TBC1D24: variants seen among roughly 807,000 people sequenced by gnomAD.
The protein encoded by TBC1D24 is TBC1 domain family member 24, also known as Infantile myoclonic epilepsy.
A neutral mutation model predicts 50.7 loss-of-function variants in TBC1D24; 47 were observed. That is an observed-to-expected ratio of 0.93 (90% CI 0.73 to 1.18). The LOEUF (loss-of-function observed/expected upper bound fraction) is 1.18, where lower values mean the gene tolerates loss of function less well. Ranked by LOEUF, TBC1D24 falls within the 50% of genes most tolerant of loss-of-function variation. The probability of loss-of-function intolerance (pLI) is 0.00; values close to 1 mark genes in which losing one functional copy is unlikely to be tolerated. For missense variants in TBC1D24, 688 were observed against 766.5 expected (o/e 0.90, Z 1.21); for synonymous variants, 324 against 335.2 (o/e 0.97, Z 0.36).
intron 1 of TBC1D24, chr16:2,481,916 T>C (rs1340460446): frequency 3.3e-5 from 5 of 152,310 alleles, no homozygotes; most frequent in Non-Finnish European, 5.9e-5. Flanking sequence ...GTACCTGGCA[T>C]GTGCCCTCCA....
rs1438815271 is a variant in TBC1D24 at position 2,504,897 on chromosome 16, G to A, written c.*3939G>A. On this transcript the variant is annotated 3_prime_UTR_variant, in exon 8 of 8. Coordinates refer to ENST00000646147, the MANE Select transcript of TBC1D24 (RefSeq NM_001199107.2). ...CCTGCCTCAAATTTGGGTTCATATA[G>A]ATTTTTTTCCTCCCTTTTTGTGGAG... The A allele has an allele frequency of 6.6e-6, 1 of 152,180 alleles. No individual in the cohort carries two copies. The highest frequency in any genetic ancestry group is 2.4e-5 in the African/African-American group (1 of 41,428). The allele number at this position is 152,180 out of a possible 1,614,324, so 9.4% of individuals were successfully genotyped here. A position where few individuals can be genotyped will look rare whatever the true frequency, so the allele number is the denominator to read the frequency against.
rs1339728612 is a variant in TBC1D24, at chr16:2,487,142, C to T, written c.-115-8892C>T. Among the ~76,000 whole-genome samples, 1 of 152,250 alleles carries T rather than the reference C, an allele frequency of 6.6e-6. No homozygotes were observed. Among genetic ancestry groups the T allele is most frequent in the African/African-American group, 2.4e-5 (1 of 41,468 alleles). On this transcript the variant is annotated intron_variant, in intron 1 of 7. Coordinates refer to ENST00000646147, the MANE Select transcript of TBC1D24 (RefSeq NM_001199107.2). The surrounding 1 kb of genome is among the most constrained non-coding windows in gnomAD (Gnocchi z 4.1). ...AGCTCGCCTTCGCCCACTCTTGCCT[C>T]CACATCTGAGGGGCACCGTCCCCAC...
In TBC1D24 at chr16:2,483,596, G is replaced by T. The variant is rs190657430; in HGVS notation, c.-116+8426G>T. 41 of 152,544 alleles carry T rather than the reference G, an allele frequency of 2.7e-4. No homozygotes were observed. The highest frequency in any genetic ancestry group is 8.9e-4 in the African/African-American group (37 of 41,536). The allele number at this position is 152,544 out of a possible 1,614,324, so 9.4% of individuals were successfully genotyped here. On this transcript the variant is annotated intron_variant, in intron 1 of 7. Transcript: ENST00000646147. The surrounding 1 kb of genome is among the most constrained non-coding windows in gnomAD (Gnocchi z 4.0). ...GGAATGCCCGGGGACTGGATAAAAA[G>T]GTAGAGATGTAAAGGCTTTTAAAGT... is the stretch of plus-strand genomic sequence containing the variant.
In TBC1D24 at chr16:2,482,451, G is replaced by A. The variant is rs113617462; in HGVS notation, c.-116+7281G>A. ...TTGGACTGAGCAGAAAGCGAAAGGG[G>A]ACAGGTGTCTCCTGCCACTCTGAAC... is the stretch of plus-strand genomic sequence containing the variant. On this transcript the variant is annotated intron_variant, in intron 1 of 7. Transcript: ENST00000646147. The surrounding 1 kb of genome is among the most constrained non-coding windows in gnomAD (Gnocchi z 5.2). Among the ~76,000 whole-genome samples, 4 of 152,320 alleles carry A rather than the reference G, an allele frequency of 2.6e-5. 1 individual carries two copies. Among genetic ancestry groups the A allele is most frequent in the African/African-American group, 9.6e-5 (4 of 41,568 alleles).
rs764027005 is a variant in TBC1D24 at position 2,501,387 on chromosome 16, A to C, written c.*429A>C. The C allele has an allele frequency of 9.0e-6, 2 of 222,758 alleles. No individual in the cohort carries two copies. The highest frequency in any genetic ancestry group is 1.8e-5 in the Non-Finnish European group (2 of 108,980). 13.8% of individuals were successfully genotyped at this position (222,758 alleles called of 1,614,324 possible). The stretch of plus-strand genomic sequence containing the variant: ...CTGTGGTGCCCCCTGCTGGTGCCGC[A>C]TAGCATCGCGCCCTCCTGAGCAGGG... On this transcript the variant is annotated 3_prime_UTR_variant, in exon 8 of 8. Transcript: ENST00000646147.
chr16:2,490,046 C>A (rs1418188462), intron 1 of TBC1D24, among the ~76,000 whole-genome samples: 1 of 152,202 alleles, frequency 6.6e-6, no homozygotes, highest in Non-Finnish European at 1.5e-5. Flanking sequence ...TCATCCTCAG[C>A]AATCCCGGCT....
At position 2,475,231 on chromosome 16, in the gene TBC1D24, C is replaced by T. The variant is rs1194675063; in HGVS notation, c.-116+61C>T. ...GGGGTGGCGGGTGGCGGGGCCGGGT[C>T]CCCGCTGTCACCGCGGTCGGCGCGT... On this transcript the variant is annotated intron_variant, in intron 1 of 7. Coordinates refer to ENST00000646147, the MANE Select transcript of TBC1D24 (RefSeq NM_001199107.2). The surrounding 1 kb of genome is among the most constrained non-coding windows in gnomAD (Gnocchi z 4.2). The T allele has an allele frequency of 1.3e-5, 2 of 149,368 alleles. No homozygotes were observed. The highest frequency in any genetic ancestry group is 3.0e-5 in the Non-Finnish European group (2 of 66,716). 9.3% of individuals were successfully genotyped at this position (149,368 alleles called of 1,614,324 possible).
At position 2,500,046 on chromosome 16, in the gene TBC1D24, G is replaced by A; in HGVS notation, c.1302+116G>A. 1 of 1,044,426 alleles carries A rather than the reference G, an allele frequency of 9.6e-7. No individual in the cohort carries two copies. The highest frequency in any genetic ancestry group is 1.5e-6 in the Non-Finnish European group (1 of 665,808). The allele number at this position is 1,044,426 out of a possible 1,614,324, so 64.7% of individuals were successfully genotyped here. The stretch of plus-strand genomic sequence containing the variant: ...GTGTCGCCATGGCAGTCACCCAGCA[G>A]CGTCATCGCCCTGTGTGCTTCCGGG... On this transcript the variant is annotated intron_variant, in intron 6 of 7. Coordinates refer to ENST00000646147, the MANE Select transcript of TBC1D24 (RefSeq NM_001199107.2). The surrounding 1 kb of genome is among the most constrained non-coding windows in gnomAD (Gnocchi z 8.0).
At chr16:2,493,314 T>A (rs887420745) in intron 1 of TBC1D24, among the ~76,000 whole-genome samples, 1 of 151,870 alleles carries the variant, frequency 6.6e-6, no homozygotes, top group African/African-American at 2.4e-5. Context: ...AGTTTTTTTG[T>A]ATTTTTAGTA....
rs777540970 is a variant in TBC1D24, at chr16:2,500,968, C to G, written c.*10C>G. The G allele has an allele frequency of 5.0e-6, 8 of 1,608,644 alleles. No individual in the cohort carries two copies. The South Asian group carries it at 8.8e-5, about 18-fold the overall frequency. On this transcript the variant is annotated 3_prime_UTR_variant, in exon 8 of 8. Transcript: ENST00000646147. The surrounding 1 kb of genome is among the most constrained non-coding windows in gnomAD (Gnocchi z 8.0). ...CCCTGACACCCAGTGACGGCCTGTG[C>G]CACGGTGACTGAGCCGTGGTGGGGC...
Position 2,497,821 on chromosome 16 carries a change from C to G in TBC1D24, c.983+94C>G, listed in dbSNP as rs763339936. 1.4e-5 allele frequency: 18 copies of G among 1,299,758 alleles called. No individual in the cohort carries two copies. The African/African-American group carries it at 2.5e-4, about 18-fold the overall frequency. 80.5% of individuals were successfully genotyped at this position (1,299,758 alleles called of 1,614,324 possible). A position where few individuals can be genotyped will look rare whatever the true frequency, so the allele number is the denominator to read the frequency against. On this transcript the variant is annotated intron_variant, in intron 3 of 7. Coordinates refer to ENST00000646147, the MANE Select transcript of TBC1D24 (RefSeq NM_001199107.2). Reference sequence around the variant, plus strand: ...TTGCTCTGGGTCTCAGGGCTGCTCTCGTGGGCCAGCTTCAGCAGCGCTGCC... The same window carrying G: ...TTGCTCTGGGTCTCAGGGCTGCTCTGGTGGGCCAGCTTCAGCAGCGCTGCC...
At position 2,482,605 on chromosome 16, in the gene TBC1D24, G is replaced by A. The variant is rs528409538; in HGVS notation, c.-116+7435G>A. Among the ~76,000 whole-genome samples, 29 of 152,310 alleles carry A rather than the reference G, an allele frequency of 1.9e-4. No individual in the cohort carries two copies. Among genetic ancestry groups the A allele is most frequent in the South Asian group, 8.3e-4 (4 of 4,822 alleles). On this transcript the variant is annotated intron_variant, in intron 1 of 7. Coordinates refer to ENST00000646147, the MANE Select transcript of TBC1D24 (RefSeq NM_001199107.2). This position sits in a 1 kb window ranked among gnomAD's most constrained non-coding sequence, Gnocchi z 5.2. ...GCGGGGGACACCAGGAGAGGGTTTC[G>A]GGTGGAGAACGGTGACCGGGTGAAG...
In TBC1D24 at chr16:2,499,723, C is replaced by T. The variant is rs765572460; in HGVS notation, c.1207-112C>T. On this transcript the variant is annotated intron_variant, in intron 5 of 7. Transcript: ENST00000646147. This position sits in a 1 kb window ranked among gnomAD's most constrained non-coding sequence, Gnocchi z 4.0. ...CCTGCCCTGGGGTGGGGGTGGGAGACGGCAATGCCTGCACCCCCACCTGTG... is the reference window on the plus strand; with the variant it reads ...CCTGCCCTGGGGTGGGGGTGGGAGATGGCAATGCCTGCACCCCCACCTGTG... 2.0e-4 allele frequency: 193 copies of T among 962,766 alleles called. No homozygotes were observed. The highest frequency in any genetic ancestry group is 4.1e-4 in the Admixed American group (24 of 58,372). The allele number at this position is 962,766 out of a possible 1,614,324, so 59.6% of individuals were successfully genotyped here.
intron 1 of TBC1D24, chr16:2,481,578 TCTC>T (rs887314963): frequency 3.9e-5 from 6 of 152,188 alleles, no homozygotes; most frequent in African/African-American, 1.4e-4. Context: ...TTCCTCTGGT[TCTC>T]CTCCTGTGTC....
rs2065618040 is a variant in TBC1D24, at chr16:2,482,598, G to A, written c.-116+7428G>A. 6.6e-6 allele frequency among the ~76,000 whole-genome samples: 1 copy of A among 152,172 alleles called. No homozygotes were observed. Among genetic ancestry groups the A allele is most frequent in the African/African-American group, 2.4e-5 (1 of 41,438 alleles). ...CTGAAGGGCGGGGGACACCAGGAGA[G>A]GGTTTCGGGTGGAGAACGGTGACCG... On this transcript the variant is annotated intron_variant, in intron 1 of 7. Coordinates refer to ENST00000646147, the MANE Select transcript of TBC1D24 (RefSeq NM_001199107.2). The surrounding 1 kb of genome is among the most constrained non-coding windows in gnomAD (Gnocchi z 5.2).
intron 3 of TBC1D24, 119 bp from the exon 4 acceptor site, chr16:2,498,119 C>T (rs1056615265): frequency 6.7e-6 from 9 of 1,352,958 alleles, no homozygotes; most frequent in Non-Finnish European, 9.1e-6. Flanking sequence ...GGGGCCGGGG[C>T]AAGCAGGCGA....
At chr16:2,478,711 A>T (rs117520783) in intron 1 of TBC1D24, 3,334 of 151,894 alleles carry the variant, frequency 0.022, 47 homozygotes, top group Non-Finnish European at 0.033. Context: ...TTTTGGGGGA[A>T]TGGGGCAGGG....
At position 2,483,989 on chromosome 16, in the gene TBC1D24, TG is replaced by T. The variant is rs1351556351; in HGVS notation, c.-116+8824del. The stretch of plus-strand genomic sequence containing the variant: ...TATAGCTGAGGGTCTCACCAGGCAG[TG>T]GGGGCACAGGTCAGGGGAATGGGAT... On this transcript the variant is annotated intron_variant, in intron 1 of 7. Transcript: ENST00000646147. The surrounding 1 kb of genome is among the most constrained non-coding windows in gnomAD (Gnocchi z 4.0). 1 of 152,204 alleles carries T rather than the reference TG, an allele frequency of 6.6e-6. No individual in the cohort carries two copies. The highest frequency in any genetic ancestry group is 1.5e-5 in the Non-Finnish European group (1 of 68,116). The allele number at this position is 152,204 out of a possible 1,614,324, so 9.4% of individuals were successfully genotyped here.
At chr16:2,488,843 G>A (rs1395350336) in intron 1 of TBC1D24, among the ~76,000 whole-genome samples, 1 of 145,218 alleles carries the variant, frequency 6.9e-6, no homozygotes, top group South Asian at 2.2e-4. Context: ...GGTGGATCAC[G>A]AGGTCAGGAG....
Sources: gnomAD v4.1 joint callset for allele counts (sites outside exome capture counted in the v4.1 genomes callset) on GRCh38, gnomAD v4.1.1 for gene constraint, Gnocchi (gnomAD v3.1) non-coding constraint, MANE v1.5 for transcripts, NCBI Gene and HGNC (gene_info 2026-07-23, HGNC 2026-07-21) for gene names.